Variants in FAM117B observed in about 807,000 individuals in gnomAD.
The protein encoded by FAM117B is family with sequence similarity 117 member B.
In FAM117B, 22 loss-of-function variants were observed where a neutral mutation model predicts 52.8. That is an observed-to-expected ratio of 0.42 (90% CI 0.30 to 0.59). The LOEUF (loss-of-function observed/expected upper bound fraction) is 0.59. FAM117B is among the 20% of genes least tolerant of loss of function. FAM117B has a pLI of 0.22. For missense variants in FAM117B, 678 were observed against 802.6 expected (o/e 0.84, Z 1.88); for synonymous variants, 309 against 324.1 (o/e 0.95, Z 0.50).
At chr2:202,714,306 A>G (rs555632808) in intron 2 of FAM117B, among the ~76,000 whole-genome samples, 1 of 152,250 alleles carries the variant, frequency 6.6e-6, no homozygotes, top group East Asian at 1.9e-4. Flanking sequence ...TGTTCTGCAA[A>G]TATCTATTAG....
intron 1 of FAM117B, among the ~76,000 whole-genome samples, chr2:202,655,302 T>C (rs181679264): frequency 3.3e-5 from 5 of 152,302 alleles, no homozygotes; most frequent in Admixed American, 3.3e-4. Flanking sequence ...TTTGTAGTTT[T>C]GGGTGATTAT....
intron 2 of FAM117B, among the ~76,000 whole-genome samples, chr2:202,702,905 T>C (rs994991385): frequency 1.3e-5 from 2 of 152,210 alleles, no homozygotes; most frequent in Non-Finnish European, 2.9e-5. Flanking sequence ...TGTTAAGACA[T>C]AATGTTATTG....
intron 4 of FAM117B, among the ~76,000 whole-genome samples, chr2:202,735,846 C>CAT (rs1226080432): frequency 6.6e-6 from 1 of 152,068 alleles, no homozygotes; most frequent in Admixed American, 6.5e-5. Flanking sequence ...AGGTTTGTTA[C>CAT]ATATATATAC....
Position 202,634,994 on chromosome 2 carries a change from AGCGGCGGCGGCG to A in FAM117B, c.-182_-171del, listed in dbSNP as rs537447869. ...AGAGGAGACACTATTGTTGATGAGG[AGCGGCGGCGGCG>A]GCGGCGGCGGCTGCACCACCTCGTT... On this transcript the variant is annotated 5_prime_UTR_variant, in exon 1 of 8. Transcript: ENST00000392238. 2.0e-4 allele frequency among the ~76,000 whole-genome samples: 30 copies of A among 147,532 alleles called. No individual in the cohort carries two copies. Among genetic ancestry groups the A allele is most frequent in the African/African-American group, 7.1e-4 (28 of 39,598 alleles).
intron 7 of FAM117B, among the ~76,000 whole-genome samples, chr2:202,765,027 C>T (rs543050295): frequency 1.3e-5 from 2 of 152,194 alleles, no homozygotes; most frequent in African/African-American, 2.4e-5. Context: ...CTATAGACCT[C>T]GGAAAAATCA....
Position 202,635,681 on chromosome 2 carries a change from T to G in FAM117B, c.494T>G (p.Val165Gly). 1 of 1,399,076 alleles carries G rather than the reference T, an allele frequency of 7.1e-7. No homozygotes were observed. Among genetic ancestry groups the G allele is most frequent in the Non-Finnish European group, 9.3e-7 (1 of 1,076,964 alleles). The allele number at this position is 1,399,076 out of a possible 1,614,324, so 86.7% of individuals were successfully genotyped here. The change falls in exon 1 of 8, where the codon GTG (valine) becomes GGG (glycine). Residue 165 changes from valine (V) to glycine (G), a missense_variant. Physicochemically the swap from Val to Gly is moderately radical, Grantham distance 109. This residue lies in a region of FAM117B where 583 missense variants were observed against 644.8 expected (regional missense o/e 0.90). Transcript: ENST00000392238. Reference protein sequence around the residue: ...SSPTHLWTGEVSAAPPPARVR... With the variant: ...SSPTHLWTGEGSAAPPPARVR... ...CCCACCCACCTGTGGACCGGCGAGGTGAGCGCGGCCCCACCCCCAGCCCGC... is the reference window on the plus strand; with the variant it reads ...CCCACCCACCTGTGGACCGGCGAGGGGAGCGCGGCCCCACCCCCAGCCCGC...
At chr2:202,651,204 G>C (rs1358039580) in intron 1 of FAM117B, among the ~76,000 whole-genome samples, 2 of 151,790 alleles carry the variant, frequency 1.3e-5, no homozygotes, top group Non-Finnish European at 2.9e-5. Context: ...TGGGATTACA[G>C]GCACCTGTCA....
rs182701052 is a variant in FAM117B, at chr2:202,701,254, T to C, written c.753+5222T>C. Among the ~76,000 whole-genome samples the C allele has an allele frequency of 7.9e-5, 12 of 152,320 alleles. No individual in the cohort carries two copies. The East Asian group carries it at 2.3e-3, about 29-fold the overall frequency. On this transcript the variant is annotated intron_variant, in intron 2 of 7. Transcript: ENST00000392238. ...ACAAAGCCTGGATGCCAGCACGTCT[T>C]TTTATAGCATGATTTACTGAATATT...
In FAM117B at chr2:202,726,514, CAG is replaced by C. The variant is rs1186823453; in HGVS notation, c.960+153_960+154del. 3 of 596,770 alleles carry C rather than the reference CAG, an allele frequency of 5.0e-6. No individual in the cohort carries two copies. The African/African-American group carries it at 5.6e-5, about 11-fold the overall frequency. 37.0% of individuals were successfully genotyped at this position (596,770 alleles called of 1,614,324 possible). A position where few individuals can be genotyped will look rare whatever the true frequency, so the allele number is the denominator to read the frequency against. On this transcript the variant is annotated intron_variant, in intron 4 of 7. Transcript: ENST00000392238. The stretch of plus-strand genomic sequence containing the variant: ...CTGAATCACAGTCTTTATAAGAAAA[CAG>C]AATATTAAGTTGACAAAATGATATT...
At chr2:202,731,935 A>G (rs1238397948) in intron 4 of FAM117B, among the ~76,000 whole-genome samples, 2 of 148,718 alleles carry the variant, frequency 1.3e-5, no homozygotes, top group African/African-American at 5.0e-5. Flanking sequence ...GGGTTTTACC[A>G]TGTTGGCTGG....
At chr2:202,737,193 A>G (rs948592773) in intron 4 of FAM117B, among the ~76,000 whole-genome samples, 3 of 152,164 alleles carry the variant, frequency 2.0e-5, no homozygotes, top group Admixed American at 6.5e-5. Flanking sequence ...TTCTTCCCAC[A>G]TTTTATTATT....
chr2:202,671,471 C>T (rs763555239), intron 1 of FAM117B, among the ~76,000 whole-genome samples: 7 of 152,216 alleles, frequency 4.6e-5, no homozygotes, highest in Non-Finnish European at 7.3e-5. Flanking sequence ...AACTCCCAGG[C>T]TCTCTTGCTT....
At chr2:202,748,407 T>C (rs561704780) in intron 4 of FAM117B, among the ~76,000 whole-genome samples, 3 of 152,056 alleles carry the variant, frequency 2.0e-5, no homozygotes, top group African/African-American at 7.2e-5. Flanking sequence ...AAAGCCTAGG[T>C]AACAAAAAAA....
At chr2:202,740,402 T>C (rs944545927) in intron 4 of FAM117B, among the ~76,000 whole-genome samples, 1 of 150,426 alleles carries the variant, frequency 6.6e-6, no homozygotes, top group African/African-American at 2.4e-5. Context: ...TTATCATGAC[T>C]AACACTTCAG....
intron 4 of FAM117B, among the ~76,000 whole-genome samples, chr2:202,753,286 T>TA (rs2105798362): frequency 6.6e-6 from 1 of 152,258 alleles, no homozygotes; most frequent in Non-Finnish European, 1.5e-5. Context: ...TCCTATTCAG[T>TA]AAATGGTGCT....
intron 2 of FAM117B, among the ~76,000 whole-genome samples, chr2:202,698,898 A>G (rs538305448): frequency 7.2e-5 from 11 of 152,148 alleles, no homozygotes; most frequent in Non-Finnish European, 1.5e-4. Context: ...GAGCATTTCT[A>G]CAGCACCCTT....
chr2:202,690,952 G>A (rs868215485), intron 1 of FAM117B, among the ~76,000 whole-genome samples: 1 of 151,750 alleles, frequency 6.6e-6, no homozygotes, highest in Middle Eastern at 3.4e-3. Context: ...GATGTAGACT[G>A]TGTTCTTTAT....
Position 202,635,053 on chromosome 2 carries a change from T to A in FAM117B, c.-135T>A. 8.8e-7 allele frequency: 1 copy of A among 1,135,430 alleles called. No homozygotes were observed. The highest frequency in any genetic ancestry group is 1.1e-6 in the Non-Finnish European group (1 of 905,328). The allele number at this position is 1,135,430 out of a possible 1,614,324, so 70.3% of individuals were successfully genotyped here. A position where few individuals can be genotyped will look rare whatever the true frequency, so the allele number is the denominator to read the frequency against. On this transcript the variant is annotated 5_prime_UTR_variant, in exon 1 of 8. Coordinates refer to ENST00000392238, the MANE Select transcript of FAM117B (RefSeq NM_173511.4). ...CGTTGCTGCCTGCCCCGGCCCGGTC[T>A]CCCCCTGCACCCCGGAGTCCGGCTT...
chr2:202,714,118 C>T (rs1321804517), intron 2 of FAM117B, among the ~76,000 whole-genome samples: 1 of 151,984 alleles, frequency 6.6e-6, no homozygotes, highest in Non-Finnish European at 1.5e-5. Context: ...TTATAGTTTC[C>T]AAAATTCCTC....
Sources: gnomAD v4.1 joint callset for allele counts (sites outside exome capture counted in the v4.1 genomes callset) on GRCh38, gnomAD v4.1.1 for gene constraint, gnomAD v4.1.1 regional missense constraint, MANE v1.5 for transcripts, NCBI Gene and HGNC (gene_info 2026-07-23, HGNC 2026-07-21) for gene names.